Variants in GALNT10 observed in about 807,000 individuals in gnomAD.
The protein encoded by GALNT10 is GalNAc transferase 10.
GALNT10 carries 41 observed loss-of-function variants against 75.0 expected under a neutral mutation model. That is an observed-to-expected ratio of 0.55 (90% CI 0.43 to 0.71). GALNT10 has a LOEUF of 0.71. Among genes scored for constraint, GALNT10 ranks in the 30% least tolerant of loss-of-function variants. The probability of loss-of-function intolerance (pLI) is 0.00; values close to 1 mark genes in which losing one functional copy is unlikely to be tolerated. For synonymous variants in GALNT10, 302 were observed against 313.0 expected, an observed-to-expected ratio of 0.96 and a Z score of 0.37; for missense variants, 727 against 818.5, an observed-to-expected ratio of 0.89 and a Z score of 1.36.
At chr5:154,207,547 C>G (rs1054691571) in intron 1 of GALNT10, among the ~76,000 whole-genome samples, 6 of 152,276 alleles carry the variant, frequency 3.9e-5, no homozygotes, top group African/African-American at 1.4e-4. Flanking sequence ...GTACAGGGTT[C>G]TATGTGAGCA....
chr5:154,277,263 C>A (rs957831890), intron 1 of GALNT10, among the ~76,000 whole-genome samples: 5 of 151,704 alleles, frequency 3.3e-5, no homozygotes, highest in Admixed American at 2.0e-4. Context: ...CATGTCTTAT[C>A]TTCTGCTTGC....
intron 4 of GALNT10, among the ~76,000 whole-genome samples, chr5:154,372,084 T>TAAAGTTTAAC (rs763638914): frequency 2.6e-5 from 4 of 152,186 alleles, no homozygotes; most frequent in Non-Finnish European, 4.4e-5. Flanking sequence ...TCTTAATGTT[T>TAAAGTTTAAC]AAAGTTTAAC....
chr5:154,255,175 C>T (rs561268332), intron 1 of GALNT10, among the ~76,000 whole-genome samples: 1 of 152,204 alleles, frequency 6.6e-6, no homozygotes, highest in African/African-American at 2.4e-5. Context: ...TCTCTAACCC[C>T]GAACAGACTC....
At chr5:154,205,268 C>A (rs1418881067) in intron 1 of GALNT10, among the ~76,000 whole-genome samples, 1 of 152,222 alleles carries the variant, frequency 6.6e-6, no homozygotes, top group Non-Finnish European at 1.5e-5. Context: ...CTCCTGTCCT[C>A]AGTCCACGTG....
rs76913946 is a variant in GALNT10, at chr5:154,400,769, G to A, written c.1057-3335G>A. Among the ~76,000 whole-genome samples the A allele has an allele frequency of 3.1e-3, 470 of 152,282 alleles. 3 individuals carry two copies. Among genetic ancestry groups the A allele is most frequent in the African/African-American group, 0.011 (446 of 41,550 alleles). On this transcript the variant is annotated intron_variant, in intron 7 of 11. Transcript: ENST00000297107. The stretch of plus-strand genomic sequence containing the variant: ...GATGAGTATGAGGTAGCCAGGCAGA[G>A]GGAGGAGTCTATGAGGGGAGTCAAT...
At position 154,190,942 on chromosome 5, in the gene GALNT10, G is replaced by C. The variant is rs1383102450; in HGVS notation, c.76G>C (p.Gly26Arg). 1.1e-5 allele frequency: 17 copies of C among 1,509,600 alleles called. No individual in the cohort carries two copies. The highest frequency in any genetic ancestry group is 1.3e-5 in the Non-Finnish European group (15 of 1,131,370). The allele number at this position is 1,509,600 out of a possible 1,614,324, so 93.5% of individuals were successfully genotyped here. Residue 26 changes from glycine (G) to arginine (R), a missense_variant, in exon 1 of 12, where the codon GGG (glycine) becomes CGG (arginine). Physicochemically the swap from Gly to Arg is moderately radical, Grantham distance 125. Transcript: ENST00000297107. The stretch of plus-strand genomic sequence containing the variant: ...GGCCCTGGTCCTCCTGCCCAACGTG[G>C]GGCTTTGGGCGCTGTACCGCGAGCG... ...LAALVLLPNV[G>R]LWALYRERQP...
chr5:154,237,987 T>TA (rs1461391106), intron 1 of GALNT10, among the ~76,000 whole-genome samples: 2 of 152,210 alleles, frequency 1.3e-5, no homozygotes, highest in African/African-American at 4.8e-5. Context: ...GAGAAGGCTT[T>TA]TGGGGCCATT....
intron 4 of GALNT10, among the ~76,000 whole-genome samples, chr5:154,330,209 C>A (rs1029670660): frequency 3.3e-5 from 5 of 152,202 alleles, no homozygotes; most frequent in African/African-American, 1.2e-4. Context: ...GGGTGGAGAG[C>A]AAAGGGCACA....
intron 1 of GALNT10, among the ~76,000 whole-genome samples, chr5:154,264,015 A>G (rs759927176): frequency 1.3e-5 from 2 of 152,168 alleles, no homozygotes; most frequent in Non-Finnish European, 2.9e-5. Context: ...TGTGATTTAT[A>G]TGTCACTTTT....
chr5:154,310,519 G>A (rs566988940), intron 3 of GALNT10, among the ~76,000 whole-genome samples: 3 of 151,956 alleles, frequency 2.0e-5, no homozygotes, highest in Non-Finnish European at 4.4e-5. Flanking sequence ...ATCCAGGCTG[G>A]AGTGCAGGCG....
intron 1 of GALNT10, among the ~76,000 whole-genome samples, chr5:154,198,657 C>G (rs947656257): frequency 7.2e-5 from 11 of 152,168 alleles, no homozygotes; most frequent in African/African-American, 1.9e-4. Context: ...GTTGGGGATG[C>G]CTTCTCAACT....
chr5:154,268,027 A>G (rs505485), intron 1 of GALNT10, among the ~76,000 whole-genome samples: 9,815 of 152,202 alleles, frequency 0.064, 869 homozygotes, highest in African/African-American at 0.2. Context: ...TACAAGAGAT[A>G]TGTTTACAAA....
chr5:154,225,113 G>A (rs1435514945), intron 1 of GALNT10, among the ~76,000 whole-genome samples: 2 of 149,344 alleles, frequency 1.3e-5, no homozygotes, highest in Admixed American at 1.3e-4. Context: ...TTTTTTTTTA[G>A]ACAGAGTCTT....
intron 3 of GALNT10, among the ~76,000 whole-genome samples, chr5:154,318,444 AATAT>A (rs5872371): frequency 3.1e-4 from 47 of 150,098 alleles, no homozygotes; most frequent in African/African-American, 1.0e-3. Context: ...ATAAAATACT[AATAT>A]ATATATATAT....
chr5:154,215,148 G>GT (rs1434558879), intron 1 of GALNT10, among the ~76,000 whole-genome samples: 1 of 152,218 alleles, frequency 6.6e-6, no homozygotes, highest in Non-Finnish European at 1.5e-5. Context: ...TCAGTACGAC[G>GT]TGTCACCCTG....
chr5:154,322,240 C>T (rs1023568404), intron 3 of GALNT10, among the ~76,000 whole-genome samples: 78 of 152,172 alleles, frequency 5.1e-4, no homozygotes, highest in African/African-American at 1.7e-3. Flanking sequence ...GACTGAGGCT[C>T]CTGTTCCCTG....
intron 4 of GALNT10, among the ~76,000 whole-genome samples, chr5:154,369,319 C>T (rs1297076397): frequency 6.6e-6 from 1 of 152,064 alleles, no homozygotes; most frequent in Non-Finnish European, 1.5e-5. Flanking sequence ...ACCCAGGAAG[C>T]GGAGGCTGCA....
intron 4 of GALNT10, among the ~76,000 whole-genome samples, chr5:154,333,328 C>A (rs79219790): frequency 0.013 from 1,993 of 152,334 alleles, 43 homozygotes; most frequent in African/African-American, 0.043. Flanking sequence ...ACAGTGCAGC[C>A]TTGTCCCCAC....
chr5:154,197,504 A>G (rs923203828), intron 1 of GALNT10, among the ~76,000 whole-genome samples: 16 of 151,988 alleles, frequency 1.1e-4, no homozygotes, highest in African/African-American at 3.9e-4. Flanking sequence ...TCTCCCTCTT[A>G]TCTTTGAATG....
Sources: allele counts gnomAD v4.1 joint callset (sites outside exome capture counted in the v4.1 genomes callset), GRCh38; gene constraint gnomAD v4.1.1; transcripts MANE v1.5; gene names NCBI Gene and HGNC (gene_info 2026-07-23, HGNC 2026-07-21).